RNLS: variants seen among roughly 807,000 people sequenced by gnomAD.
The protein encoded by RNLS is renalase, FAD dependent amine oxidase.
In RNLS, 39 loss-of-function variants were observed where a neutral mutation model predicts 39.8. The ratio of observed to expected loss-of-function variants is 0.98; its 90% CI spans 0.76 to 1.28. RNLS has a LOEUF of 1.28. RNLS is among the 50% of genes most tolerant of loss of function. The pLI is 0.00. For synonymous variants in RNLS, 147 were observed against 150.7 expected, an observed-to-expected ratio of 0.98 and a Z score of 0.18; for missense variants, 410 against 413.3, an observed-to-expected ratio of 0.99 and a Z score of 0.07.
intron 4 of RNLS, among the ~76,000 whole-genome samples, chr10:88,511,642 G>A (rs1047208074): frequency 1.3e-5 from 2 of 152,038 alleles, no homozygotes; most frequent in African/African-American, 4.8e-5. Flanking sequence ...GAGCGGGAAT[G>A]AGGAAAACAA....
At chr10:88,221,767 C>T in the RNLS span, among the ~76,000 whole-genome samples, 1 of 152,148 alleles carries the variant, frequency 6.6e-6, no homozygotes. Context: ...CATGTGTCAT[C>T]ATTCTCCACT....
intron 4 of RNLS, among the ~76,000 whole-genome samples, chr10:88,560,534 G>C (rs1244177986): frequency 6.6e-6 from 1 of 152,046 alleles, no homozygotes; most frequent in Non-Finnish European, 1.5e-5. Context: ...AATGTTTCTG[G>C]AGAGCTTTAT....
the RNLS span, among the ~76,000 whole-genome samples, chr10:88,268,434 T>G: frequency 6.6e-6 from 1 of 152,170 alleles, no homozygotes; most frequent in African/African-American, 2.4e-5. Context: ...TTCCCAATGA[T>G]TAGACATGGC....
chr10:88,201,386 C>T, the RNLS span, among the ~76,000 whole-genome samples: 1 of 152,094 alleles, frequency 6.6e-6, no homozygotes, highest in Non-Finnish European at 1.5e-5. Flanking sequence ...AACCCTGGGC[C>T]TAGGCTTTAA....
At chr10:88,314,161 C>T (rs1845580447) in intron 6 of RNLS, among the ~76,000 whole-genome samples, 1 of 152,150 alleles carries the variant, frequency 6.6e-6, no homozygotes, top group Non-Finnish European at 1.5e-5. Context: ...AAAGAAACAG[C>T]TGCATTTGGA....
At chr10:88,282,255 A>G (rs551462560), downstream of RNLS, among the ~76,000 whole-genome samples, 7 of 152,038 alleles carry the variant, frequency 4.6e-5, no homozygotes, top group Non-Finnish European at 1.0e-4. Context: ...TGTACCCCCA[A>G]CTAATATTTC....
At chr10:88,379,830 C>T (rs891271062) in intron 4 of RNLS, among the ~76,000 whole-genome samples, 2 of 152,154 alleles carry the variant, frequency 1.3e-5, no homozygotes, top group Admixed American at 1.3e-4. Context: ...AGGACATTTA[C>T]AGAGGCTTCA....
At position 88,327,287 on chromosome 10, in the gene RNLS, C is replaced by A. The variant is rs2133134692; in HGVS notation, c.701-12646G>T. On this transcript the variant is annotated intron_variant, in intron 5 of 6. Coordinates refer to ENST00000331772, the MANE Select transcript of RNLS (RefSeq NM_001031709.3). ...AATTTGGCTGTGTCTCCACCCAAAT[C>A]TCATCTTGAATTGTAATCCCTATAA... Among the ~76,000 whole-genome samples the A allele has an allele frequency of 1.3e-5, 2 of 152,312 alleles. 1 individual carries two copies. Among genetic ancestry groups the A allele is most frequent in the Middle Eastern group, 6.8e-3 (2 of 294 alleles).
chr10:88,337,863 C>G (rs763218789), intron 5 of RNLS, among the ~76,000 whole-genome samples: 1 of 152,058 alleles, frequency 6.6e-6, no homozygotes, highest in Non-Finnish European at 1.5e-5. Context: ...TATTTATGCT[C>G]GTTCTTACAA....
the RNLS span, among the ~76,000 whole-genome samples, chr10:88,263,468 A>T: frequency 1.3e-5 from 2 of 152,192 alleles, no homozygotes; most frequent in African/African-American, 4.8e-5. Context: ...CTGTGAAGAT[A>T]ATGAGGCTGT....
At chr10:88,469,864 T>A (rs1055582046) in intron 4 of RNLS, among the ~76,000 whole-genome samples, 1 of 149,270 alleles carries the variant, frequency 6.7e-6, no homozygotes, top group East Asian at 2.0e-4. Context: ...TGTGTGTGCT[T>A]TGCTCCACTT....
the RNLS span, among the ~76,000 whole-genome samples, chr10:88,194,528 A>T: frequency 6.6e-6 from 1 of 152,364 alleles, no homozygotes; most frequent in South Asian, 2.1e-4. Flanking sequence ...CTGAAAAGCA[A>T]GAATAGGTCA....
chr10:88,559,452 C>T (rs923715014), intron 4 of RNLS, among the ~76,000 whole-genome samples: 1 of 152,112 alleles, frequency 6.6e-6, no homozygotes, highest in Non-Finnish European at 1.5e-5. Flanking sequence ...CCAAGGCTCA[C>T]CATAATCTGC....
At chr10:88,517,064 T>C (rs954656938) in intron 4 of RNLS, among the ~76,000 whole-genome samples, 6 of 151,944 alleles carry the variant, frequency 3.9e-5, no homozygotes, top group African/African-American at 1.4e-4. Flanking sequence ...GGTGACATGG[T>C]TAATTTCCCT....
At chr10:88,340,591 T>G (rs1031722869) in intron 5 of RNLS, among the ~76,000 whole-genome samples, 4 of 152,146 alleles carry the variant, frequency 2.6e-5, no homozygotes, top group African/African-American at 9.7e-5. Flanking sequence ...TTTATGATAC[T>G]ACCTCTTCAA....
chr10:88,473,003 G>A (rs181657314), intron 4 of RNLS, among the ~76,000 whole-genome samples: 3 of 152,276 alleles, frequency 2.0e-5, no homozygotes, highest in African/African-American at 4.8e-5. Flanking sequence ...ATCATAGAGT[G>A]TACTAACACA....
chr10:88,412,787 A>C (rs1299417031), intron 4 of RNLS, among the ~76,000 whole-genome samples: 1 of 152,184 alleles, frequency 6.6e-6, no homozygotes, highest in Non-Finnish European at 1.5e-5. Flanking sequence ...TGCTTTCTAT[A>C]GATTGTGTCT....
At chr10:88,552,816 GAA>G (rs1564893831) in intron 4 of RNLS, among the ~76,000 whole-genome samples, 1 of 152,116 alleles carries the variant, frequency 6.6e-6, no homozygotes, top group African/African-American at 2.4e-5. Flanking sequence ...CTACATGAAA[GAA>G]AATTCTCTAT....
chr10:88,462,740 C>CT (rs1200113039), intron 4 of RNLS, among the ~76,000 whole-genome samples: 3 of 151,792 alleles, frequency 2.0e-5, no homozygotes, highest in Non-Finnish European at 4.4e-5. Context: ...TCTAAATAAC[C>CT]TTTTAAATAA....
Sources: allele counts gnomAD v4.1 joint callset (sites outside exome capture counted in the v4.1 genomes callset), GRCh38; gene constraint gnomAD v4.1.1; transcripts MANE v1.5; gene names NCBI Gene and HGNC (gene_info 2026-07-23, HGNC 2026-07-21).